KCNH3: variants seen among roughly 807,000 people sequenced by gnomAD.
KCNH3 encodes voltage-gated inwardly rectifying potassium channel KCNH3.
In KCNH3, 36 loss-of-function variants were observed where a neutral mutation model predicts 95.6. The observed-to-expected ratio is 0.38, with a 90% CI of 0.29 to 0.50. KCNH3 has a LOEUF of 0.50. KCNH3 is among the 20% of genes least tolerant of loss of function. KCNH3 has a pLI of 0.95. For missense variants in KCNH3, 1,030 were observed against 1,484.1 expected, an observed-to-expected ratio of 0.69 and a Z score of 5.03; for synonymous variants, 620 against 646.3, an observed-to-expected ratio of 0.96 and a Z score of 0.62.
chr12:49,551,164 G>A (rs1163360066), intron 10 of KCNH3, among the ~76,000 whole-genome samples: 1 of 152,230 alleles, frequency 6.6e-6, no homozygotes, highest in African/African-American at 2.4e-5. Flanking sequence ...GTGCTCTGGG[G>A]GGAATTGGGA....
At chr12:49,544,684 C>T (rs1026397649) in intron 7 of KCNH3, among the ~76,000 whole-genome samples, 2 of 152,166 alleles carry the variant, frequency 1.3e-5, no homozygotes, top group African/African-American at 4.8e-5. Flanking sequence ...CAGGGAGCCA[C>T]TGCCCTCCAG....
rs1339799800 is a variant in KCNH3 at position 49,558,207 on chromosome 12, G to A, written c.*254G>A. ...CTCTGCAGGCTGGGGGCAGAGGCCT[G>A]AGGACAAGGAAGAGCTTTGCCATCC... On this transcript the variant is annotated 3_prime_UTR_variant, in exon 15 of 15. Transcript: ENST00000257981. 9.9e-6 allele frequency: 4 copies of A among 405,952 alleles called. No individual in the cohort carries two copies. The highest frequency in any genetic ancestry group is 1.7e-5 in the Non-Finnish European group (4 of 232,688). 25.1% of individuals were successfully genotyped at this position (405,952 alleles called of 1,614,324 possible).
rs750796423 is a variant in KCNH3, at chr12:49,555,910, G to GC, written c.2433dup (p.Met812HisfsTer18). ...CACGGGCCCTAGAGGGGCTACGGCT[G>GC]CCCCCCATGCCATGGAATGTGCCCC... On this transcript the variant is annotated frameshift_variant, in exon 12 of 15. Coordinates refer to ENST00000257981, the MANE Select transcript of KCNH3 (RefSeq NM_012284.3). LOFTEE classifies it high-confidence loss of function. 1.3e-6 allele frequency: 2 copies of GC among 1,583,398 alleles called. No individual in the cohort carries two copies. Among genetic ancestry groups the GC allele is most frequent in the Non-Finnish European group, 1.7e-6 (2 of 1,160,760 alleles).
chr12:49,558,048 C>A lies in KCNH3; in HGVS notation c.*95C>A. The A allele has an allele frequency of 7.4e-7, 1 of 1,351,904 alleles. No homozygotes were observed. Among genetic ancestry groups the A allele is most frequent in the Non-Finnish European group, 9.7e-7 (1 of 1,030,100 alleles). 83.7% of individuals were successfully genotyped at this position (1,351,904 alleles called of 1,614,324 possible). ...GGCAGGGTGGCAGCCTCCCCACGGA[C>A]TCCATGCGGCCCGCTGGCTCAGGGC... On this transcript the variant is annotated 3_prime_UTR_variant, in exon 15 of 15. Transcript: ENST00000257981.
At chr12:49,544,937 C>A (rs893496947) in intron 7 of KCNH3, among the ~76,000 whole-genome samples, 24 of 152,272 alleles carry the variant, frequency 1.6e-4, no homozygotes, top group East Asian at 5.8e-4. Flanking sequence ...TTCCACAGCT[C>A]CTCTCTGCTC....
intron 12 of KCNH3, 83 bp from the exon 13 acceptor site, chr12:49,556,287 T>C (rs1938438462): frequency 4.0e-6 from 4 of 989,936 alleles, no homozygotes; most frequent in Non-Finnish European, 6.5e-6. Context: ...CCTGTGTGTG[T>C]GGACGCTGGG....
At chr12:49,546,275 C>T (rs887557968) in intron 7 of KCNH3, 1 of 152,202 alleles carries the variant, frequency 6.6e-6, no homozygotes, top group East Asian at 1.9e-4. Flanking sequence ...AGGGTGGTTT[C>T]GTTCCATTTG....
In KCNH3 at chr12:49,541,729, A is replaced by G. The variant is rs755072786; in HGVS notation, c.410A>G (p.Lys137Arg). 5 of 1,614,108 alleles carry G rather than the reference A, an allele frequency of 3.1e-6. No homozygotes were observed. The African/African-American group carries it at 6.7e-5, about 22-fold the overall frequency. Residue 137 changes from lysine to arginine, a missense_variant, in exon 3 of 15, where the codon AAG (lysine) becomes AGG (arginine). Lys to Arg is a conservative substitution (Grantham distance 26). This residue lies in a region of KCNH3 where 92 missense variants were observed against 92.7 expected (regional missense o/e 0.99). Transcript: ENST00000257981. ...LVSHKDISETKNRGGPDRWKE... is the reference protein window; with the variant it reads ...LVSHKDISETRNRGGPDRWKE... ...TCTCACAAGGACATCAGCGAAACCA[A>G]GAACCGAGGGGGCCCCGACAGATGG...
At position 49,539,333 on chromosome 12, in the gene KCNH3, G is replaced by C; in HGVS notation, c.-84G>C. The C allele has an allele frequency of 2.4e-6, 2 of 816,530 alleles. No homozygotes were observed. The highest frequency in any genetic ancestry group is 3.6e-5 in the East Asian group (1 of 27,478). The allele number at this position is 816,530 out of a possible 1,614,324, so 50.6% of individuals were successfully genotyped here. A position where few individuals can be genotyped will look rare whatever the true frequency, so the allele number is the denominator to read the frequency against. On this transcript the variant is annotated 5_prime_UTR_variant, in exon 1 of 15. Coordinates refer to ENST00000257981, the MANE Select transcript of KCNH3 (RefSeq NM_012284.3). This position sits in a 1 kb window ranked among gnomAD's most constrained non-coding sequence, Gnocchi z 6.7. ...GCGCTAGGGAGCGCGGGGCCCGGCG[G>C]GGGGCGGCCGAGCTGGGCGCCCTCC...
intron 1 of KCNH3, 50 bp from the exon 2 acceptor site, chr12:49,540,849 G>T: frequency 6.8e-7 from 1 of 1,473,198 alleles, no homozygotes; most frequent in Non-Finnish European, 9.5e-7. Context: ...GGGGTGGTAG[G>T]CCTCCTGCCC....
intron 7 of KCNH3, among the ~76,000 whole-genome samples, chr12:49,545,058 C>T (rs1208769333): frequency 6.6e-6 from 1 of 152,076 alleles, no homozygotes; most frequent in African/African-American, 2.4e-5. Context: ...CCCTCATCCT[C>T]CTTGAAGTCC....
intron 7 of KCNH3, among the ~76,000 whole-genome samples, chr12:49,547,115 G>A (rs1321623620): frequency 1.3e-5 from 2 of 151,972 alleles, no homozygotes; most frequent in African/African-American, 2.4e-5. Flanking sequence ...CGCTGGTCTC[G>A]AACTCCTGAC....
At position 49,555,985 on chromosome 12, in the gene KCNH3, G is replaced by GTCA. The variant is rs1178456539; in HGVS notation, c.2468+35_2468+36insCAT. 5.7e-6 allele frequency: 6 copies of GTCA among 1,052,122 alleles called. No individual in the cohort carries two copies. The South Asian group carries it at 8.9e-5, about 16-fold the overall frequency. 65.2% of individuals were successfully genotyped at this position (1,052,122 alleles called of 1,614,324 possible). ...ACCCTAGGCCCCCGTGGCAGAGATG[G>GTCA]TGGTGATGAGGCTGAGGCCCTGGGC... is the stretch of plus-strand genomic sequence containing the variant. On this transcript the variant is annotated intron_variant, in intron 12 of 14. Coordinates refer to ENST00000257981, the MANE Select transcript of KCNH3 (RefSeq NM_012284.3).
chr12:49,544,243 C>G lies in KCNH3; in HGVS notation c.1050C>G (p.Asp350Glu), dbSNP rs745399431. 5 of 1,601,244 alleles carry G rather than the reference C, an allele frequency of 3.1e-6. No homozygotes were observed. The highest frequency in any genetic ancestry group is 2.6e-6 in the Non-Finnish European group (3 of 1,176,200). ...TGCTGCGCCTGCTTCCGCGGCTGGA[C>G]CGGTACTCGCAGTACAGCGCCGTGG... ...LRLLRLLPRLDRYSQYSAVVL... is the reference protein window; with the variant it reads ...LRLLRLLPRLERYSQYSAVVL... The change falls in exon 7 of 15, where the codon GAC (aspartate) becomes GAG (glutamate). Residue 350 changes from aspartate to glutamate, a missense_variant. By Grantham distance (45) the Asp-to-Glu change is conservative. Coordinates refer to ENST00000257981, the MANE Select transcript of KCNH3 (RefSeq NM_012284.3).
chr12:49,558,088 C>G lies in KCNH3; in HGVS notation c.*135C>G, dbSNP rs565426308. ...TGGCTCAGGGCAGGGAGCCTGGAAG[C>G]AAAGGAGGACCTGGCTCCTGACTCT... On this transcript the variant is annotated 3_prime_UTR_variant, in exon 15 of 15. Transcript: ENST00000257981. 1 of 1,007,986 alleles carries G rather than the reference C, an allele frequency of 9.9e-7. No homozygotes were observed. Among genetic ancestry groups the G allele is most frequent in the East Asian group, 2.8e-5 (1 of 35,692 alleles). 62.4% of individuals were successfully genotyped at this position (1,007,986 alleles called of 1,614,324 possible).
At position 49,553,592 on chromosome 12, in the gene KCNH3, T is replaced by C. The variant is rs1485575117; in HGVS notation, c.1919-745T>C. On this transcript the variant is annotated intron_variant, in intron 10 of 14. Coordinates refer to ENST00000257981, the MANE Select transcript of KCNH3 (RefSeq NM_012284.3). Reference sequence around the variant, plus strand: ...TATTTCATTGATTCTAAGACACACATCTCACCCACCCTACCCAATCTAACA... The same window carrying C: ...TATTTCATTGATTCTAAGACACACACCTCACCCACCCTACCCAATCTAACA... Among the ~76,000 whole-genome samples, 5 of 152,258 alleles carry C rather than the reference T, an allele frequency of 3.3e-5. No homozygotes were observed. The East Asian group carries it at 9.6e-4, about 29-fold the overall frequency.
Position 49,549,091 on chromosome 12 carries a change from C to T in KCNH3, c.1386C>T (p.Ser462=). ...YITSLYFALS[S]LTSVGFGNVS... ...CCTCCCTCTACTTCGCACTCAGCAG[C>T]CTCACCAGCGTGGGCTTCGGCAACG... Residue 462 remains serine, a synonymous_variant, in exon 8 of 15, where the codon AGC becomes AGT. Transcript: ENST00000257981. The T allele has an allele frequency of 6.2e-7, 1 of 1,612,704 alleles. No homozygotes were observed. The highest frequency in any genetic ancestry group is 8.5e-7 in the Non-Finnish European group (1 of 1,179,796).
rs770102679 is a variant in KCNH3 at position 49,555,974 on chromosome 12, T to C, written c.2468+23T>C. On this transcript the variant is annotated intron_variant, in intron 12 of 14. Coordinates refer to ENST00000257981, the MANE Select transcript of KCNH3 (RefSeq NM_012284.3). Reference sequence around the variant, plus strand: ...CAGGTGAGCAGACCCTAGGCCCCCGTGGCAGAGATGGTGGTGATGAGGCTG... The same window carrying C: ...CAGGTGAGCAGACCCTAGGCCCCCGCGGCAGAGATGGTGGTGATGAGGCTG... 11 of 1,164,064 alleles carry C rather than the reference T, an allele frequency of 9.4e-6. No individual in the cohort carries two copies. In the African/African-American group the frequency reaches 1.5e-4, roughly 16 times the overall value. 72.1% of individuals were successfully genotyped at this position (1,164,064 alleles called of 1,614,324 possible).
At chr12:49,557,131 G>A (rs1309119209) in intron 13 of KCNH3, 52 bp from the exon 14 acceptor site, 16 of 1,575,968 alleles carry the variant, frequency 1.0e-5, no homozygotes, top group Non-Finnish European at 1.4e-5. Context: ...CCCCCAAATT[G>A]CCTATCTCCT....
Sources: gnomAD v4.1 joint callset for allele counts (sites outside exome capture counted in the v4.1 genomes callset) on GRCh38, gnomAD v4.1.1 for gene constraint, gnomAD v4.1.1 regional missense constraint, Gnocchi (gnomAD v3.1) non-coding constraint, MANE v1.5 for transcripts, NCBI Gene and HGNC (gene_info 2026-07-23, HGNC 2026-07-21) for gene names.